The following RIMBP2 variants were observed in gnomAD, a reference collection of about 807,000 sequenced individuals.
RIMBP2 encodes the protein RIMS binding protein 2, also known as RIMS-binding protein 2.
A neutral mutation model predicts 118.6 loss-of-function variants in RIMBP2; 48 were observed. The ratio of observed to expected loss-of-function variants is 0.40; its 90% confidence interval spans 0.32 to 0.51. The LOEUF is 0.51. RIMBP2 is among the 20% of genes least tolerant of loss of function. The pLI, the probability that RIMBP2 is intolerant of heterozygous loss-of-function variation, is 0.41. For missense variants in RIMBP2, 1,551 were observed against 1,768.3 expected, an observed-to-expected ratio of 0.88 and a Z score of 2.20; for synonymous variants, 762 against 742.9, an observed-to-expected ratio of 1.03 and a Z score of -0.42.
At chr12:130,498,651 A>C (rs12302056) in intron 4 of RIMBP2, among the ~76,000 whole-genome samples, 20,566 of 149,792 alleles carry the variant, frequency 0.14, 1,700 homozygotes, top group Admixed American at 0.23. Context: ...AAAAAAAAAA[A>C]CACTCAGTGC....
intron 1 of RIMBP2, among the ~76,000 whole-genome samples, chr12:130,653,388 TC>T (rs1225633807): frequency 6.6e-6 from 1 of 152,220 alleles, no homozygotes; most frequent in African/African-American, 2.4e-5. Flanking sequence ...AATCCTTGAC[TC>T]CGTGCCCCAC....
intron 4 of RIMBP2, among the ~76,000 whole-genome samples, chr12:130,501,345 T>A (rs1228525730): frequency 6.6e-6 from 1 of 152,062 alleles, no homozygotes; most frequent in Non-Finnish European, 1.5e-5. Flanking sequence ...CAGATGCACC[T>A]CCTCTCTCAA....
At chr12:130,589,258 C>A (rs1274731882) in intron 2 of RIMBP2, among the ~76,000 whole-genome samples, 2 of 152,324 alleles carry the variant, frequency 1.3e-5, no homozygotes, top group African/African-American at 4.8e-5. Flanking sequence ...TACATACAAA[C>A]ACACACACCT....
intron 2 of RIMBP2, among the ~76,000 whole-genome samples, chr12:130,538,980 T>A (rs187177235): frequency 1.2e-4 from 18 of 152,274 alleles, no homozygotes; most frequent in Admixed American, 8.5e-4. Context: ...GCAGGGCATG[T>A]CCACGGCTCT....
At chr12:130,471,014 C>T (rs776291911) in intron 5 of RIMBP2, among the ~76,000 whole-genome samples, 51 of 152,150 alleles carry the variant, frequency 3.4e-4, no homozygotes, top group Non-Finnish European at 4.6e-4. Context: ...CAGAAGCATC[C>T]CTCCAATGCC....
intron 2 of RIMBP2, among the ~76,000 whole-genome samples, chr12:130,546,097 C>CTTTT (rs56407634): frequency 0.021 from 2,215 of 103,392 alleles, 53 homozygotes; most frequent in Non-Finnish European, 0.03. Context: ...ATCACTGCTT[C>CTTTT]TTTTTTTTTT....
intron 4 of RIMBP2, among the ~76,000 whole-genome samples, chr12:130,494,436 C>T (rs1357927174): frequency 2.6e-5 from 4 of 152,004 alleles, no homozygotes; most frequent in Non-Finnish European, 4.4e-5. Flanking sequence ...GTCAAGAGTT[C>T]GAGACCAGCC....
At chr12:130,402,170 C>T (rs978549552) in intron 21 of RIMBP2, among the ~76,000 whole-genome samples, 2 of 152,170 alleles carry the variant, frequency 1.3e-5, no homozygotes, top group African/African-American at 2.4e-5. Context: ...AAAGTGACGA[C>T]GGGACTTGCT....
intron 1 of RIMBP2, among the ~76,000 whole-genome samples, chr12:130,697,400 G>C (rs1317588458): frequency 1.3e-5 from 2 of 152,218 alleles, no homozygotes; most frequent in Non-Finnish European, 2.9e-5. Flanking sequence ...GTGGACGCCT[G>C]TGGTCCCAGC....
chr12:130,641,891 G>T (rs1035495029), intron 1 of RIMBP2, among the ~76,000 whole-genome samples: 2 of 152,116 alleles, frequency 1.3e-5, no homozygotes, highest in Admixed American at 1.3e-4. Flanking sequence ...GGCCATCCGA[G>T]GATGGGGTCA....
chr12:130,714,732 C>T (rs1255572143), intron 1 of RIMBP2, among the ~76,000 whole-genome samples: 2 of 152,246 alleles, frequency 1.3e-5, no homozygotes, highest in African/African-American at 4.8e-5. Flanking sequence ...CCGGCCTTCC[C>T]CTCACACCGT....
intron 2 of RIMBP2, among the ~76,000 whole-genome samples, chr12:130,527,399 C>T (rs755368943): frequency 2.0e-5 from 3 of 152,210 alleles, no homozygotes; most frequent in African/African-American, 7.2e-5. Context: ...TTTGCTTCAA[C>T]CATGACTGAT....
At chr12:130,575,224 C>A (rs1322879436) in intron 2 of RIMBP2, among the ~76,000 whole-genome samples, 1 of 136,094 alleles carries the variant, frequency 7.3e-6, no homozygotes, top group Non-Finnish European at 1.6e-5. Flanking sequence ...CACCCCCCAC[C>A]CCCACCCCCG....
intron 1 of RIMBP2, among the ~76,000 whole-genome samples, chr12:130,696,648 G>T (rs536534813): frequency 2.3e-4 from 35 of 152,210 alleles, no homozygotes; most frequent in African/African-American, 8.4e-4. Context: ...GTTTAACAAA[G>T]GTGATTAGCA....
intron 2 of RIMBP2, among the ~76,000 whole-genome samples, chr12:130,521,701 G>A (rs945634700): frequency 3.9e-5 from 6 of 152,164 alleles, no homozygotes; most frequent in South Asian, 2.1e-4. Context: ...GGACCCTGAC[G>A]GGGAGAACTT....
rs1453183095 is a variant in RIMBP2 at position 130,419,129 on chromosome 12, T to C, written c.3238+3324A>G. On this transcript the variant is annotated intron_variant, in intron 17 of 22. Transcript: ENST00000690449. This position sits in a 1 kb window ranked among gnomAD's most constrained non-coding sequence, Gnocchi z 4.3. ...GACAGGGAAAGAGTAGCAGCCTCCC[T>C]GGAATGTGTCCATGGAAACTTGGCT... 1.3e-5 allele frequency among the ~76,000 whole-genome samples: 2 copies of C among 152,326 alleles called. No individual in the cohort carries two copies. The highest frequency in any genetic ancestry group is 4.8e-5 in the African/African-American group (2 of 41,572).
At chr12:130,654,592 T>G (rs1251753450) in intron 1 of RIMBP2, among the ~76,000 whole-genome samples, 2 of 152,212 alleles carry the variant, frequency 1.3e-5, no homozygotes, top group East Asian at 3.9e-4. Flanking sequence ...CTCTGCCTAT[T>G]ACCCAGTCCC....
rs1022613621 is a variant in RIMBP2, at chr12:130,578,723, C to T, written c.-217+49599G>A. ...AACGACCGAGTCCCTCACCCTGCCCCGTCTCCACACTTGGCTTGTGCCTTC... is the reference window on the plus strand; with the variant it reads ...AACGACCGAGTCCCTCACCCTGCCCTGTCTCCACACTTGGCTTGTGCCTTC... On this transcript the variant is annotated intron_variant, in intron 2 of 22. Coordinates refer to ENST00000690449, the MANE Select transcript of RIMBP2 (RefSeq NM_001393629.1). The surrounding 1 kb of genome is among the most constrained non-coding windows in gnomAD (Gnocchi z 4.1). Among the ~76,000 whole-genome samples the T allele has an allele frequency of 1.3e-5, 2 of 152,184 alleles. No individual in the cohort carries two copies. Among genetic ancestry groups the T allele is most frequent in the African/African-American group, 4.8e-5 (2 of 41,434 alleles).
In RIMBP2 at chr12:130,683,480, T is replaced by A. The variant is rs2064896931; in HGVS notation, c.-352+32742A>T. Reference sequence around the variant, plus strand: ...TTCTCTGGTGGTATTGTCAGAGGCATGTGAACCAGAGCAACTCCATCTTGA... The same window carrying A: ...TTCTCTGGTGGTATTGTCAGAGGCAAGTGAACCAGAGCAACTCCATCTTGA... On this transcript the variant is annotated intron_variant, in intron 1 of 22. Transcript: ENST00000690449. This position sits in a 1 kb window ranked among gnomAD's most constrained non-coding sequence, Gnocchi z 4.4. Among the ~76,000 whole-genome samples, 2 of 152,188 alleles carry A rather than the reference T, an allele frequency of 1.3e-5. No homozygotes were observed. The highest frequency in any genetic ancestry group is 2.9e-5 in the Non-Finnish European group (2 of 68,030).
Sources: allele counts gnomAD v4.1 joint callset (sites outside exome capture counted in the v4.1 genomes callset), GRCh38; gene constraint gnomAD v4.1.1; non-coding constraint Gnocchi (gnomAD v3.1); transcripts MANE v1.5; gene names NCBI Gene and HGNC (gene_info 2026-07-23, HGNC 2026-07-21).